TAFA4: variants seen among roughly 807,000 people sequenced by gnomAD.
The protein encoded by TAFA4 is chemokine-like protein TAFA-4.
Under a neutral mutation model 21.1 loss-of-function variants are expected in TAFA4, and 20 were observed. That is an observed-to-expected ratio of 0.95 (90% CI 0.67 to 1.38). The LOEUF is 1.38. TAFA4 is among the 40% of genes most tolerant of loss of function. The probability of loss-of-function intolerance (pLI) is 0.00; values close to 1 mark genes in which losing one functional copy is unlikely to be tolerated. For missense variants in TAFA4, 211 were observed against 180.9 expected (o/e 1.17, Z -0.95); for synonymous variants, 71 against 67.4 (o/e 1.05, Z -0.26).
chr3:68,817,901 G>A (rs1183362812), intron 3 of TAFA4, among the ~76,000 whole-genome samples: 1 of 151,988 alleles, frequency 6.6e-6, no homozygotes, highest in African/African-American at 2.4e-5. Flanking sequence ...GGATTTTCAG[G>A]GTTGTAAATG....
chr3:68,807,694 G>A (rs1239371093), intron 3 of TAFA4, among the ~76,000 whole-genome samples: 1 of 152,144 alleles, frequency 6.6e-6, no homozygotes, highest in Non-Finnish European at 1.5e-5. Context: ...TTAAAGTTAG[G>A]AGTGCCATTA....
At chr3:68,797,763 G>A (rs1703481109) in intron 3 of TAFA4, among the ~76,000 whole-genome samples, 1 of 152,050 alleles carries the variant, frequency 6.6e-6, no homozygotes, top group Non-Finnish European at 1.5e-5. Context: ...AAGACAGAAA[G>A]TAGAACGGTG....
rs1186779495 is a variant in TAFA4 at position 68,932,382 on chromosome 3, G to A, written c.-265C>T. On this transcript the variant is annotated 5_prime_UTR_variant, in exon 1 of 6. Transcript: ENST00000295569. ...CATCACCTCTGCAGCCTCGCCAGGA[G>A]AAGAAAAGTTCCCACGTCTCTACCA... 1 of 152,368 alleles carries A rather than the reference G, an allele frequency of 6.6e-6. No homozygotes were observed. Among genetic ancestry groups the A allele is most frequent in the Non-Finnish European group, 1.5e-5 (1 of 68,146 alleles). The allele number at this position is 152,368 out of a possible 1,614,324, so 9.4% of individuals were successfully genotyped here. A position where few individuals can be genotyped will look rare whatever the true frequency, so the allele number is the denominator to read the frequency against.
At chr3:68,889,218 C>T (rs762991865) in intron 1 of TAFA4, among the ~76,000 whole-genome samples, 26 of 152,168 alleles carry the variant, frequency 1.7e-4, no homozygotes, top group Non-Finnish European at 3.5e-4. Flanking sequence ...CTGCATTTTT[C>T]ATCTTCTGCC....
At chr3:68,789,347 C>T (rs1381689154) in intron 3 of TAFA4, among the ~76,000 whole-genome samples, 1 of 152,114 alleles carries the variant, frequency 6.6e-6, no homozygotes, top group Non-Finnish European at 1.5e-5. Flanking sequence ...GGCCTATGCA[C>T]TTCTTTTTAT....
chr3:68,888,199 C>A (rs750443960), intron 1 of TAFA4, among the ~76,000 whole-genome samples: 1 of 151,998 alleles, frequency 6.6e-6, no homozygotes, highest in Non-Finnish European at 1.5e-5. Context: ...AGTGCATGGA[C>A]GCAATTCAGC....
At chr3:68,735,879 C>T (rs1480770805) in intron 5 of TAFA4, among the ~76,000 whole-genome samples, 2 of 152,090 alleles carry the variant, frequency 1.3e-5, no homozygotes, top group African/African-American at 4.8e-5. Flanking sequence ...TAGAAGCTGT[C>T]TGTGCTTTGT....
intron 1 of TAFA4, among the ~76,000 whole-genome samples, chr3:68,911,145 G>A (rs1484365547): frequency 1.3e-5 from 2 of 152,200 alleles, no homozygotes; most frequent in Admixed American, 1.3e-4. Context: ...CAAAGACACT[G>A]CTGACGTTTG....
At chr3:68,813,451 T>A (rs1034602325) in intron 3 of TAFA4, among the ~76,000 whole-genome samples, 9 of 151,460 alleles carry the variant, frequency 5.9e-5, no homozygotes, top group African/African-American at 2.2e-4. Context: ...AAGAGAAGAA[T>A]CAAATAGACA....
rs536609211 is a variant in TAFA4 at position 68,747,708 on chromosome 3, G to A, written c.286+5155C>T. Among the ~76,000 whole-genome samples, 6 of 152,246 alleles carry A rather than the reference G, an allele frequency of 3.9e-5. No individual in the cohort carries two copies. The South Asian group carries it at 1.0e-3, about 26-fold the overall frequency. ...ACCATGAAACCTATGCTGACGAGGTGACCTGTCAAATTTAGGCATCACATT... is the reference window on the plus strand; with the variant it reads ...ACCATGAAACCTATGCTGACGAGGTAACCTGTCAAATTTAGGCATCACATT... On this transcript the variant is annotated intron_variant, in intron 4 of 5. Transcript: ENST00000295569.
At chr3:68,840,572 G>A (rs1283406643) in intron 3 of TAFA4, among the ~76,000 whole-genome samples, 1 of 152,128 alleles carries the variant, frequency 6.6e-6, no homozygotes, top group Admixed American at 6.5e-5. Context: ...AAATACTTAA[G>A]AAATACAAAC....
At chr3:68,886,097 C>A (rs1378811291) in intron 1 of TAFA4, among the ~76,000 whole-genome samples, 1 of 152,116 alleles carries the variant, frequency 6.6e-6, no homozygotes, top group Non-Finnish European at 1.5e-5. Flanking sequence ...ATTCAAGTTG[C>A]AAATATAACA....
chr3:68,828,984 G>A (rs114933691), intron 3 of TAFA4, among the ~76,000 whole-genome samples: 2,661 of 152,184 alleles, frequency 0.017, 81 homozygotes, highest in African/African-American at 0.061. Flanking sequence ...AATCCATTTT[G>A]CCCATTCAGT....
intron 1 of TAFA4, among the ~76,000 whole-genome samples, chr3:68,892,132 G>A (rs889592638): frequency 2.6e-5 from 4 of 152,264 alleles, no homozygotes; most frequent in East Asian, 1.9e-4. Flanking sequence ...GATCACATAT[G>A]TGGAATTACT....
chr3:68,810,942 C>T (rs1381977203), intron 3 of TAFA4, among the ~76,000 whole-genome samples: 1 of 152,182 alleles, frequency 6.6e-6, no homozygotes, highest in African/African-American at 2.4e-5. Context: ...AGTCTGACAC[C>T]TCACACGGCC....
intron 1 of TAFA4, among the ~76,000 whole-genome samples, chr3:68,909,445 G>T (rs1243577506): frequency 1.3e-5 from 2 of 150,244 alleles, no homozygotes; most frequent in Admixed American, 1.3e-4. Flanking sequence ...TAGTCCCTCA[G>T]TAAATATATC....
intron 1 of TAFA4, among the ~76,000 whole-genome samples, chr3:68,925,070 T>C (rs2090094813): frequency 6.6e-6 from 1 of 152,204 alleles, no homozygotes; most frequent in Non-Finnish European, 1.5e-5. Flanking sequence ...AGTTCCGTGC[T>C]TCTAAGCAGA....
intron 3 of TAFA4, among the ~76,000 whole-genome samples, chr3:68,854,223 C>A (rs1339856284): frequency 6.6e-6 from 1 of 151,934 alleles, no homozygotes; most frequent in Non-Finnish European, 1.5e-5. Flanking sequence ...GTGGAGGGAA[C>A]ACAGGCCTGA....
At chr3:68,901,718 G>A (rs1252781561) in intron 1 of TAFA4, among the ~76,000 whole-genome samples, 1 of 152,108 alleles carries the variant, frequency 6.6e-6, no homozygotes, top group African/African-American at 2.4e-5. Context: ...GATCCTTGAA[G>A]GATAAGCCCT....
Sources: allele counts gnomAD v4.1 joint callset (sites outside exome capture counted in the v4.1 genomes callset), GRCh38; gene constraint gnomAD v4.1.1; transcripts MANE v1.5; gene names NCBI Gene and HGNC (gene_info 2026-07-23, HGNC 2026-07-21).